Variants in PCDH15 observed in about 807,000 individuals in gnomAD.
PCDH15 encodes the protein protocadherin related 15.
PCDH15 carries 129 observed loss-of-function variants against 178.5 expected under a neutral mutation model. The observed-to-expected ratio is 0.72, with a 90% CI of 0.63 to 0.84. The LOEUF is 0.84. Ranked by LOEUF, PCDH15 falls within the 40% of genes least tolerant of loss-of-function variation. The pLI, the probability that PCDH15 is intolerant of heterozygous loss-of-function variation, is 0.00. For synonymous variants in PCDH15, 800 were observed against 732.0 expected (o/e 1.09, Z -1.50); for missense variants, 2,230 against 2,099.9 (o/e 1.06, Z -1.21).
chr10:54,569,890 C>T (rs61853644), intron 2 of PCDH15, among the ~76,000 whole-genome samples: 9 of 152,052 alleles, frequency 5.9e-5, no homozygotes, highest in Middle Eastern at 3.2e-3. Flanking sequence ...CCTCAGTATA[C>T]GTTGAAGTCA....
chr10:54,061,099 G>C (rs570115941), intron 18 of PCDH15, among the ~76,000 whole-genome samples: 10 of 152,182 alleles, frequency 6.6e-5, no homozygotes, highest in Admixed American at 6.5e-4. Flanking sequence ...CTGCAGATTT[G>C]ATCAGAATAT....
intron 1 of PCDH15, among the ~76,000 whole-genome samples, chr10:54,787,551 C>A (rs184004052): frequency 6.6e-6 from 1 of 151,938 alleles, no homozygotes; most frequent in Non-Finnish European, 1.5e-5. Flanking sequence ...AGTTACACTA[C>A]CTCTATATTA....
chr10:55,418,621 C>T (rs529388468), intron 2 of PCDH15, among the ~76,000 whole-genome samples: 8 of 151,794 alleles, frequency 5.3e-5, no homozygotes, highest in Admixed American at 4.6e-4. Context: ...ACAGAACTCA[C>T]AGGCAAGATG....
intron 3 of PCDH15, among the ~76,000 whole-genome samples, chr10:54,851,268 A>G (rs562727489): frequency 6.6e-6 from 1 of 152,268 alleles, no homozygotes; most frequent in African/African-American, 2.4e-5. Flanking sequence ...ACAAAAATTA[A>G]AAAAGGAAGT....
At chr10:54,324,622 CTGG>C (rs1564967438) in intron 7 of PCDH15, among the ~76,000 whole-genome samples, 1 of 151,864 alleles carries the variant, frequency 6.6e-6, no homozygotes, top group African/African-American at 2.4e-5. Flanking sequence ...AAAAAATTAG[CTGG>C]GAGTGGTGGC....
intron 2 of PCDH15, among the ~76,000 whole-genome samples, chr10:55,333,927 T>C (rs902467556): frequency 1.3e-5 from 2 of 152,054 alleles, no homozygotes; most frequent in Non-Finnish European, 2.9e-5. Context: ...GAAAGGATTA[T>C]TAGCATCCAT....
chr10:55,539,717 C>A (rs779002632), intron 2 of PCDH15, among the ~76,000 whole-genome samples: 14 of 152,024 alleles, frequency 9.2e-5, no homozygotes, highest in Non-Finnish European at 1.5e-4. Flanking sequence ...AGAGTTTTCA[C>A]ACTATATATC....
chr10:54,799,782 A>G (rs1247357073), intron 1 of PCDH15, among the ~76,000 whole-genome samples: 1 of 152,180 alleles, frequency 6.6e-6, no homozygotes, highest in African/African-American at 2.4e-5. Context: ...GTACAGATAC[A>G]TTCACTCATT....
At chr10:54,307,040 GTATATATATATATATATATA>G (rs1158139613) in intron 8 of PCDH15, among the ~76,000 whole-genome samples, 1 of 29,334 alleles carries the variant, frequency 3.4e-5, no homozygotes, top group Non-Finnish European at 5.8e-5. Context: ...GTGTGTGTGT[GTATATATATATATATATATA>G]TATATATATA....
At chr10:55,149,214 T>C (rs1231688780) in intron 2 of PCDH15, among the ~76,000 whole-genome samples, 2 of 150,360 alleles carry the variant, frequency 1.3e-5, no homozygotes, top group Non-Finnish European at 3.0e-5. Flanking sequence ...AATGGAGCAG[T>C]CTTTCAATAA....
intron 2 of PCDH15, chr10:54,600,289 G>A (rs540847270): frequency 1.8e-5 from 10 of 548,646 alleles, no homozygotes; most frequent in African/African-American, 1.3e-4. Context: ...GAATGAGAAG[G>A]AAGGGAGTGA....
At chr10:54,905,207 AATATCAAAAGT>A (rs149413167) in intron 2 of PCDH15, among the ~76,000 whole-genome samples, 200 of 152,242 alleles carry the variant, frequency 1.3e-3, no homozygotes, top group Non-Finnish European at 2.4e-3. Flanking sequence ...ATAGAAGAAT[AATATCAAAAGT>A]ATTTCTTTTT....
chr10:54,585,615 T>TG, intron 2 of PCDH15: 1 of 29,186 alleles, frequency 3.4e-5, no homozygotes, highest in South Asian at 2.5e-4. Context: ...GCAATATGTG[T>TG]TTTTTTTTTT....
intron 32 of PCDH15, chr10:53,821,014 TAGGG>T (rs1221538733): frequency 1.4e-6 from 1 of 730,630 alleles, no homozygotes; most frequent in Non-Finnish European, 1.7e-6. Context: ...AAATTTAAAT[TAGGG>T]AGATGATTAA....
intron 27 of PCDH15, among the ~76,000 whole-genome samples, chr10:53,863,860 A>G (rs2079267429): frequency 1.3e-5 from 2 of 152,162 alleles, no homozygotes; most frequent in Admixed American, 1.3e-4. Flanking sequence ...AGGAGCCAGA[A>G]AGAAGGCAAA....
intron 8 of PCDH15, among the ~76,000 whole-genome samples, chr10:54,279,050 A>T (rs2058517693): frequency 6.6e-6 from 1 of 151,666 alleles, no homozygotes; most frequent in South Asian, 2.1e-4. Context: ...TCCTTTTTAC[A>T]TATATTCCTG....
chr10:54,327,640 G>A (rs1471165804), intron 7 of PCDH15, among the ~76,000 whole-genome samples: 4 of 151,632 alleles, frequency 2.6e-5, no homozygotes, highest in African/African-American at 9.7e-5. Flanking sequence ...CTCTAAGAAA[G>A]GCAAGAAAAT....
chr10:55,044,452 A>T (rs1255994041), intron 2 of PCDH15, among the ~76,000 whole-genome samples: 3 of 152,092 alleles, frequency 2.0e-5, no homozygotes, highest in Non-Finnish European at 4.4e-5. Context: ...TATTTCACAA[A>T]ATCAGTTAGT....
At chr10:54,105,259 TATAGAC>T (rs2094891722) in intron 15 of PCDH15, among the ~76,000 whole-genome samples, 1 of 139,722 alleles carries the variant, frequency 7.2e-6, no homozygotes, top group Non-Finnish European at 1.5e-5. Context: ...TAGATATAGA[TATAGAC>T]ATATAGATGG....
Sources: gnomAD v4.1 joint callset for allele counts (sites outside exome capture counted in the v4.1 genomes callset) on GRCh38, gnomAD v4.1.1 for gene constraint, MANE v1.5 for transcripts, NCBI Gene and HGNC (gene_info 2026-07-23, HGNC 2026-07-21) for gene names.